The following DEFB110 variants were observed in gnomAD, a reference collection of about 807,000 sequenced individuals.
DEFB110 encodes the protein beta-defensin 110.
In DEFB110, 4 loss-of-function variants were observed where a neutral mutation model predicts 2.5. The ratio of observed to expected loss-of-function variants is 1.60; its 90% CI spans 0.79 to 3.66. DEFB110 has a LOEUF of 3.66. DEFB110 is among the 30% of genes most tolerant of loss of function. DEFB110 has a pLI of 0.01. For synonymous variants in DEFB110, 29 were observed against 21.8 expected (o/e 1.33, Z -0.92); for missense variants, 94 against 75.4 (o/e 1.25, Z -0.91).
downstream of DEFB110, among the ~76,000 whole-genome samples, chr6:50,013,995 C>T (rs547648078): frequency 1.6e-4 from 24 of 151,530 alleles, no homozygotes; most frequent in South Asian, 2.9e-3. Context: ...TGGTTTAAGA[C>T]GGAGGTTGAG....
intron 1 of DEFB110, among the ~76,000 whole-genome samples, chr6:50,009,465 T>C (rs777633943): frequency 1.3e-5 from 2 of 152,178 alleles, no homozygotes; most frequent in Non-Finnish European, 2.9e-5. Context: ...ATTATACTTG[T>C]ACAAAATGTC....
At chr6:50,017,782 T>A (rs1774342316), downstream of DEFB110, among the ~76,000 whole-genome samples, 1 of 151,916 alleles carries the variant, frequency 6.6e-6, no homozygotes. Flanking sequence ...CATATCTGCA[T>A]TTGAAGAATA....
At chr6:50,011,992 A>C (rs1051908201) in intron 1 of DEFB110, among the ~76,000 whole-genome samples, 5 of 152,060 alleles carry the variant, frequency 3.3e-5, no homozygotes, top group Non-Finnish European at 5.9e-5. Context: ...ACTGGATTTC[A>C]GTTTCCTTAT....
At chr6:50,017,610 G>A (rs1286516421), downstream of DEFB110, among the ~76,000 whole-genome samples, 1 of 151,744 alleles carries the variant, frequency 6.6e-6, no homozygotes, top group Non-Finnish European at 1.5e-5. Context: ...GAGAAACCCT[G>A]TTATAAATAA....
chr6:50,020,081 G>A (rs1267024161), intron 1 of DEFB110, among the ~76,000 whole-genome samples: 2 of 152,116 alleles, frequency 1.3e-5, no homozygotes, highest in Admixed American at 6.6e-5. Flanking sequence ...GAATGGGTGA[G>A]GGATTTGTAG....
downstream of DEFB110, chr6:50,018,717 G>T: frequency 1.2e-6 from 1 of 862,646 alleles, no homozygotes; most frequent in Non-Finnish European, 1.5e-6. Flanking sequence ...TGGAACTTGT[G>T]GAACATGAAG....
rs199571974 is a variant in DEFB110, at chr6:50,021,930, C to T, written c.6G>A (p.Lys2=). The change falls in exon 1 of 2, where the codon AAG becomes AAA. Residue 2 remains lysine, a synonymous_variant. Coordinates refer to ENST00000371148, the MANE Select transcript of DEFB110 (RefSeq NM_001037497.2). ...GCAGAATAAAGAAAAAAAGTTGAAT[C>T]TTCATGGTAGAGAGTTTCTTAAAAA... M[K]IQLFFFILHF... The T allele has an allele frequency of 5.1e-6, 8 of 1,557,576 alleles. No homozygotes were observed. The highest frequency in any genetic ancestry group is 6.9e-6 in the Non-Finnish European group (8 of 1,160,618).
chr6:50,009,606 T>C (rs1774193163), intron 1 of DEFB110, among the ~76,000 whole-genome samples: 1 of 152,176 alleles, frequency 6.6e-6, no homozygotes, highest in Non-Finnish European at 1.5e-5. Flanking sequence ...TGTGATACTT[T>C]GTTATTGCAG....
intron 1 of DEFB110, among the ~76,000 whole-genome samples, chr6:50,010,312 A>G (rs960152312): frequency 6.6e-6 from 1 of 152,046 alleles, no homozygotes; most frequent in Non-Finnish European, 1.5e-5. Context: ...AATTGTCTGC[A>G]TAGAATCGAA....
downstream of DEFB110, among the ~76,000 whole-genome samples, chr6:50,016,425 T>C (rs890085389): frequency 6.6e-6 from 1 of 151,838 alleles, no homozygotes; most frequent in Non-Finnish European, 1.5e-5. Flanking sequence ...GGGAAAAATA[T>C]AAAACTTAAG....
chr6:50,021,519 A>T (rs199961692), intron 1 of DEFB110, among the ~76,000 whole-genome samples: 2 of 152,210 alleles, frequency 1.3e-5, no homozygotes, highest in African/African-American at 2.4e-5. Flanking sequence ...TCTGTCTCAC[A>T]TCACTTTTTG....
chr6:50,017,861 T>G (rs1424835973), downstream of DEFB110, among the ~76,000 whole-genome samples: 1 of 151,946 alleles, frequency 6.6e-6, no homozygotes, highest in Non-Finnish European at 1.5e-5. Context: ...TTTTTTGATT[T>G]ACCATCTCCT....
chr6:50,018,926 A>T lies in DEFB110; in HGVS notation c.*51T>A, dbSNP rs1774365270. 1 of 1,562,120 alleles carries T rather than the reference A, an allele frequency of 6.4e-7. No homozygotes were observed. Among genetic ancestry groups the T allele is most frequent in the Non-Finnish European group, 8.6e-7 (1 of 1,158,378 alleles). On this transcript the variant is annotated 3_prime_UTR_variant, in exon 2 of 2. Transcript: ENST00000371148. ...TTGAAGGATGTGCTGGGAAAACTTA[A>T]TAACGCTGGTCTCTCTTCTTGGAGC...
chr6:50,021,287 A>G (rs950458213), intron 1 of DEFB110, among the ~76,000 whole-genome samples: 5 of 152,120 alleles, frequency 3.3e-5, no homozygotes, highest in Admixed American at 6.5e-5. Flanking sequence ...TCTATCTACA[A>G]CTGGTACTGT....
At position 50,009,183 on chromosome 6, in the gene DEFB110, AT is replaced by A; in HGVS notation, c.143del (p.Tyr48LeufsTer?). The stretch of plus-strand genomic sequence containing the variant: ...TCCATTTAATGCAGTATCCATAATC[AT>A]ACTCAACATCATCACAAAACGTTTT... On this transcript the variant is annotated frameshift_variant, in exon 2 of 2. Coordinates refer to the DEFB110 transcript ENST00000393660. LOFTEE classifies it high-confidence loss of function. 6.2e-7 allele frequency: 1 copy of A among 1,611,100 alleles called. No homozygotes were observed. The highest frequency in any genetic ancestry group is 8.5e-7 in the Non-Finnish European group (1 of 1,179,410).
chr6:50,020,548 T>C (rs1421347651), intron 1 of DEFB110, among the ~76,000 whole-genome samples: 1 of 152,190 alleles, frequency 6.6e-6, no homozygotes, highest in East Asian at 1.9e-4. Flanking sequence ...TAATTATTGC[T>C]TGGTCTTCTC....
downstream of DEFB110, among the ~76,000 whole-genome samples, chr6:50,017,668 C>G (rs673551): frequency 0.086 from 13,017 of 151,828 alleles, 1,489 homozygotes; most frequent in African/African-American, 0.26. Context: ...AGAAAACACA[C>G]TGAACAATCA....
chr6:50,009,337 A>G, intron 1 of DEFB110: 1 of 1,500,456 alleles, frequency 6.7e-7, no homozygotes, highest in Non-Finnish European at 8.9e-7. Context: ...CTTGCTAAAG[A>G]AAGACAAAAA....
chr6:50,009,287 A>G (rs1170226220), intron 1 of DEFB110: 2 of 1,584,756 alleles, frequency 1.3e-6, no homozygotes, highest in African/African-American at 2.7e-5. Flanking sequence ...ATCAAGAAAA[A>G]TATCTAAAGT....
Sources: allele counts gnomAD v4.1 joint callset (sites outside exome capture counted in the v4.1 genomes callset), GRCh38; gene constraint gnomAD v4.1.1; transcripts MANE v1.5; gene names NCBI Gene and HGNC (gene_info 2026-07-23, HGNC 2026-07-21).